TMC1: variants seen among roughly 807,000 people sequenced by gnomAD.
The protein encoded by TMC1 is transmembrane channel-like protein 1.
A neutral mutation model predicts 105.8 loss-of-function variants in TMC1; 84 were observed. The ratio of observed to expected loss-of-function variants is 0.79; its 90% CI spans 0.67 to 0.95. TMC1 has a LOEUF of 0.95. Ranked by LOEUF, TMC1 falls within the 40% of genes least tolerant of loss-of-function variation. TMC1 has a pLI of 0.00. For missense variants in TMC1, 817 were observed against 914.1 expected, an observed-to-expected ratio of 0.89 and a Z score of 1.37; for synonymous variants, 315 against 311.5, an observed-to-expected ratio of 1.01 and a Z score of -0.12.
At chr9:72,711,130 G>A (rs3003503) in intron 8 of TMC1, among the ~76,000 whole-genome samples, 34,671 of 152,116 alleles carry the variant, frequency 0.23, 4,284 homozygotes, top group East Asian at 0.38. Context: ...GTATTCCATG[G>A]TGTATATGTG....
chr9:72,587,267 TC>T (rs1824569664), intron 2 of TMC1, among the ~76,000 whole-genome samples: 2 of 152,054 alleles, frequency 1.3e-5, no homozygotes, highest in African/African-American at 4.8e-5. Context: ...CAAGTGATTC[TC>T]CTGCCTCAGC....
chr9:72,791,606 G>A (rs1294131035), intron 15 of TMC1, among the ~76,000 whole-genome samples: 1 of 152,170 alleles, frequency 6.6e-6, no homozygotes. Flanking sequence ...TGTGTTCTCT[G>A]TGTAGAGACT....
At chr9:72,539,962 AAGGGG>A (rs1470339074) in intron 1 of TMC1, among the ~76,000 whole-genome samples, 1 of 152,184 alleles carries the variant, frequency 6.6e-6, no homozygotes, top group Non-Finnish European at 1.5e-5. Context: ...GCAGAAAGTG[AAGGGG>A]AGCCTCCATG....
At chr9:72,550,834 A>G (rs1823850356) in intron 1 of TMC1, among the ~76,000 whole-genome samples, 1 of 152,094 alleles carries the variant, frequency 6.6e-6, no homozygotes, top group African/African-American at 2.4e-5. Flanking sequence ...CTTATGGGGC[A>G]AAAGGAATTT....
intron 5 of TMC1, among the ~76,000 whole-genome samples, chr9:72,679,292 AG>A (rs1826252416): frequency 6.6e-6 from 1 of 151,884 alleles, no homozygotes; most frequent in African/African-American, 2.4e-5. Context: ...TTCTCCCTCA[AG>A]ACTTTCTTTT....
intron 5 of TMC1, among the ~76,000 whole-genome samples, chr9:72,659,853 T>C (rs1490529927): frequency 6.6e-6 from 1 of 152,202 alleles, no homozygotes; most frequent in Non-Finnish European, 1.5e-5. Context: ...TCCACTCTTT[T>C]GTGCACTCTG....
intron 13 of TMC1, among the ~76,000 whole-genome samples, chr9:72,784,371 T>C (rs1828137496): frequency 6.6e-6 from 1 of 152,082 alleles, no homozygotes; most frequent in Admixed American, 6.6e-5. Context: ...AAAGCCACAA[T>C]GAGATACTAT....
rs538369685 is a variant in TMC1 at position 72,728,313 on chromosome 9, A to G, written c.363-11806A>G. On this transcript the variant is annotated intron_variant, in intron 8 of 23. Coordinates refer to ENST00000297784, the MANE Select transcript of TMC1 (RefSeq NM_138691.3). ...AACTAATGGAAAATAAGGACTATTT[A>G]GTAAAGCTTGTCATGCAGATTCCTC... 5.1e-4 allele frequency among the ~76,000 whole-genome samples: 77 copies of G among 152,310 alleles called. 1 individual carries two copies. The highest frequency in any genetic ancestry group is 1.8e-3 in the African/African-American group (76 of 41,572).
chr9:72,665,578 G>A (rs1826030461), intron 5 of TMC1, among the ~76,000 whole-genome samples: 1 of 152,216 alleles, frequency 6.6e-6, no homozygotes, highest in East Asian at 1.9e-4. Flanking sequence ...GGATGGATGG[G>A]TGGAAGCCCT....
chr9:72,802,258 C>CATAT (rs2118228480), intron 17 of TMC1, among the ~76,000 whole-genome samples: 3 of 99,634 alleles, frequency 3.0e-5, no homozygotes, highest in South Asian at 4.9e-4. Flanking sequence ...TACATATATA[C>CATAT]ATACATACAT....
chr9:72,811,811 T>C lies in TMC1; in HGVS notation c.1696-4332T>C, dbSNP rs1300782442. On this transcript the variant is annotated intron_variant, in intron 18 of 23. Transcript: ENST00000297784. The stretch of plus-strand genomic sequence containing the variant: ...GAGGCATATAATTGACTGACTACCT[T>C]AGTGGATTCCCAATCATATTATATT... Among the ~76,000 whole-genome samples, 3 of 152,174 alleles carry C rather than the reference T, an allele frequency of 2.0e-5. No homozygotes were observed. In the East Asian group the frequency reaches 5.8e-4, roughly 29 times the overall value.
intron 1 of TMC1, among the ~76,000 whole-genome samples, chr9:72,544,888 A>G (rs1823738940): frequency 6.6e-6 from 1 of 150,730 alleles, no homozygotes; most frequent in South Asian, 2.1e-4. Context: ...CACACCCATC[A>G]CCTGAGCAGC....
At chr9:72,624,911 G>A (rs1052778036) in intron 3 of TMC1, among the ~76,000 whole-genome samples, 2 of 152,168 alleles carry the variant, frequency 1.3e-5, no homozygotes, top group Non-Finnish European at 2.9e-5. Context: ...CAAGTCCTGC[G>A]GACAAATTGT....
chr9:72,598,494 T>C (rs964650889), intron 2 of TMC1, among the ~76,000 whole-genome samples: 6 of 152,170 alleles, frequency 3.9e-5, no homozygotes, highest in Non-Finnish European at 8.8e-5. Context: ...TGTTCTCTGC[T>C]TCATAATCGT....
intron 2 of TMC1, among the ~76,000 whole-genome samples, chr9:72,582,082 C>T (rs146794365): frequency 1.3e-5 from 2 of 152,274 alleles, no homozygotes; most frequent in African/African-American, 4.8e-5. Flanking sequence ...TTCAGCCTCC[C>T]GAGTAGCTGG....
chr9:72,762,573 T>A (rs1827773509), intron 12 of TMC1, among the ~76,000 whole-genome samples: 2 of 152,172 alleles, frequency 1.3e-5, no homozygotes, highest in South Asian at 2.1e-4. Context: ...CATGAATAAT[T>A]CTTCGGTGGC....
At chr9:72,762,962 C>G (rs935787567) in intron 12 of TMC1, among the ~76,000 whole-genome samples, 8 of 152,094 alleles carry the variant, frequency 5.3e-5, no homozygotes, top group African/African-American at 1.9e-4. Flanking sequence ...ATTTGCTACT[C>G]CTGAGTGACT....
At chr9:72,818,882 T>G (rs1828829599) in intron 19 of TMC1, 1 of 152,208 alleles carries the variant, frequency 6.6e-6, no homozygotes, top group Non-Finnish European at 1.5e-5. Flanking sequence ...TAAAATGTCT[T>G]TGTGATACTT....
intron 1 of TMC1, among the ~76,000 whole-genome samples, chr9:72,562,119 G>A (rs972785769): frequency 6.6e-6 from 1 of 152,040 alleles, no homozygotes; most frequent in East Asian, 1.9e-4. Context: ...TTAAACATAC[G>A]TAGTTACCAT....
Sources: allele counts gnomAD v4.1 joint callset (sites outside exome capture counted in the v4.1 genomes callset), GRCh38; gene constraint gnomAD v4.1.1; transcripts MANE v1.5; gene names NCBI Gene and HGNC (gene_info 2026-07-23, HGNC 2026-07-21).